The following BTBD9 variants were observed in gnomAD, a reference collection of about 807,000 sequenced individuals.
BTBD9 encodes BTB domain containing 9.
In BTBD9, 49 loss-of-function variants were observed where a neutral mutation model predicts 64.3. The ratio of observed to expected loss-of-function variants is 0.76; its 90% CI spans 0.61 to 0.97. The LOEUF is 0.97. Among genes scored for constraint, BTBD9 ranks in the 50% least tolerant of loss-of-function variants. BTBD9 has a pLI of 0.00. For synonymous variants in BTBD9, 260 were observed against 274.7 expected (o/e 0.95, Z 0.53); for missense variants, 598 against 762.1 (o/e 0.78, Z 2.53).
intron 9 of BTBD9, among the ~76,000 whole-genome samples, chr6:38,216,626 G>A (rs1052324311): frequency 3.3e-5 from 5 of 152,166 alleles, no homozygotes; most frequent in African/African-American, 1.2e-4. Flanking sequence ...AAAAGCATCT[G>A]AAGGATTTGT....
intron 6 of BTBD9, among the ~76,000 whole-genome samples, chr6:38,401,728 T>A (rs1766935686): frequency 6.6e-6 from 1 of 152,068 alleles, no homozygotes; most frequent in Non-Finnish European, 1.5e-5. Flanking sequence ...GGCTTTGGAG[T>A]GAGTGACCTG....
intron 6 of BTBD9, among the ~76,000 whole-genome samples, chr6:38,420,256 T>C (rs1194146946): frequency 1.3e-5 from 2 of 152,188 alleles, no homozygotes. Flanking sequence ...GATTTTTCTT[T>C]AATGACTTTA....
At chr6:38,497,331 C>A (rs554172654) in intron 6 of BTBD9, among the ~76,000 whole-genome samples, 1 of 152,250 alleles carries the variant, frequency 6.6e-6, no homozygotes, top group South Asian at 2.1e-4. Flanking sequence ...ATTATCTGAA[C>A]TGTATATTGA....
At chr6:38,185,647 T>C (rs1446113599) in intron 10 of BTBD9, among the ~76,000 whole-genome samples, 2 of 152,200 alleles carry the variant, frequency 1.3e-5, no homozygotes, top group Non-Finnish European at 2.9e-5. Flanking sequence ...AGAAATACCA[T>C]GTGGGACAAG....
Position 38,256,497 on chromosome 6 carries a change from C to T in BTBD9, c.1474G>A (p.Asp492Asn), listed in dbSNP as rs781477120. The change falls in exon 9 of 11, where the codon GAT becomes AAT. Residue 492 changes from aspartate to asparagine, a missense_variant. Physicochemically the swap from Asp to Asn is conservative, Grantham distance 23. Coordinates refer to ENST00000481247, the MANE Select transcript of BTBD9 (RefSeq NM_001099272.2). Reference sequence around the variant, plus strand: ...ACGTAGTAGCTATAGCTTCGATCATCACAATCCCAAAGTAGTAACCTGAAC... The same window carrying T: ...ACGTAGTAGCTATAGCTTCGATCATTACAATCCCAAAGTAGTAACCTGAAC... ...GSIRLLLWDC[D>N]DRSYSYYVEV... The T allele has an allele frequency of 6.2e-7, 1 of 1,613,236 alleles. No individual in the cohort carries two copies. Among genetic ancestry groups the T allele is most frequent in the Non-Finnish European group, 8.5e-7 (1 of 1,179,212 alleles).
At chr6:38,620,048 A>G (rs1471707391) in intron 1 of BTBD9, among the ~76,000 whole-genome samples, 1 of 152,156 alleles carries the variant, frequency 6.6e-6, no homozygotes, top group Non-Finnish European at 1.5e-5. Flanking sequence ...AAAAGACCCC[A>G]CCACTTTTCC....
intron 6 of BTBD9, among the ~76,000 whole-genome samples, chr6:38,498,323 G>A (rs2127397838): frequency 1.3e-5 from 2 of 152,254 alleles, no homozygotes; most frequent in Non-Finnish European, 2.9e-5. Context: ...ATGTTCATGG[G>A]CAAGAGAATG....
At chr6:38,446,612 T>A (rs1769289858) in intron 6 of BTBD9, among the ~76,000 whole-genome samples, 2 of 152,244 alleles carry the variant, frequency 1.3e-5, no homozygotes, top group South Asian at 4.1e-4. Flanking sequence ...ACACTGATAC[T>A]TGGCATTTAT....
intron 6 of BTBD9, among the ~76,000 whole-genome samples, chr6:38,528,341 A>G (rs958999278): frequency 6.6e-6 from 1 of 152,194 alleles, no homozygotes; most frequent in African/African-American, 2.4e-5. Flanking sequence ...CTGGAAAGGC[A>G]GTCTAGACCA....
chr6:38,441,957 C>T (rs1201905910), intron 6 of BTBD9, among the ~76,000 whole-genome samples: 3 of 152,202 alleles, frequency 2.0e-5, no homozygotes, highest in African/African-American at 7.2e-5. Context: ...TCTGGTTCTA[C>T]AGCCCCTCTC....
At chr6:38,476,321 T>C (rs1430006691) in intron 6 of BTBD9, among the ~76,000 whole-genome samples, 1 of 152,194 alleles carries the variant, frequency 6.6e-6, no homozygotes, top group Non-Finnish European at 1.5e-5. Flanking sequence ...AATAAATGAA[T>C]GCAGACCTGA....
chr6:38,532,739 C>G (rs993835695), intron 6 of BTBD9, among the ~76,000 whole-genome samples: 1 of 152,028 alleles, frequency 6.6e-6, no homozygotes, highest in Non-Finnish European at 1.5e-5. Flanking sequence ...GATCCATCAC[C>G]TGCTGACTAA....
chr6:38,476,760 C>T (rs1770900594), intron 6 of BTBD9, among the ~76,000 whole-genome samples: 1 of 152,210 alleles, frequency 6.6e-6, no homozygotes, highest in African/African-American at 2.4e-5. Context: ...CACATGACAG[C>T]TTCAGAATAG....
intron 10 of BTBD9, among the ~76,000 whole-genome samples, chr6:38,183,090 C>T (rs1179013745): frequency 6.6e-6 from 1 of 151,900 alleles, no homozygotes; most frequent in African/African-American, 2.4e-5. Context: ...TGCCATTCTC[C>T]TGCCTCAGCC....
At chr6:38,237,782 G>A (rs1353497585) in intron 9 of BTBD9, among the ~76,000 whole-genome samples, 1 of 152,104 alleles carries the variant, frequency 6.6e-6, no homozygotes, top group East Asian at 1.9e-4. Flanking sequence ...AGAGAGGTGG[G>A]GAGGGTTACA....
chr6:38,604,445 A>G (rs1454936239), intron 1 of BTBD9, among the ~76,000 whole-genome samples: 1 of 152,252 alleles, frequency 6.6e-6, no homozygotes. Flanking sequence ...CTGAATATGT[A>G]TATGATTCAT....
intron 7 of BTBD9, among the ~76,000 whole-genome samples, chr6:38,336,896 CCT>C (rs960991623): frequency 6.6e-6 from 1 of 152,156 alleles, no homozygotes; most frequent in Admixed American, 6.5e-5. Context: ...CTTTCTCTCC[CCT>C]GTGTCTAAGA....
At chr6:38,205,483 G>C (rs1019764305) in intron 9 of BTBD9, among the ~76,000 whole-genome samples, 3 of 151,924 alleles carry the variant, frequency 2.0e-5, no homozygotes, top group Non-Finnish European at 2.9e-5. Context: ...ACAGAATAAA[G>C]AAATTGTCAT....
chr6:38,192,851 C>T (rs742538), intron 9 of BTBD9, among the ~76,000 whole-genome samples: 80,000 of 147,158 alleles, frequency 0.54, 22,499 homozygotes, highest in Non-Finnish European at 0.63. Flanking sequence ...ACTTAGGCTT[C>T]TTACAAAGCC....
Sources: gnomAD v4.1 joint callset for allele counts (sites outside exome capture counted in the v4.1 genomes callset) on GRCh38, gnomAD v4.1.1 for gene constraint, MANE v1.5 for transcripts, NCBI Gene and HGNC (gene_info 2026-07-23, HGNC 2026-07-21) for gene names.